The following CTIF variants were observed in gnomAD, a reference collection of about 807,000 sequenced individuals.
CTIF encodes cap binding complex dependent translation initiation factor, also known as CBP80/20-dependent translation initiation factor.
CTIF carries 21 observed loss-of-function variants against 66.0 expected under a neutral mutation model. That is an observed-to-expected ratio of 0.32 (90% CI 0.23 to 0.46). The LOEUF (loss-of-function observed/expected upper bound fraction) is 0.46, where lower values mean the gene tolerates loss of function less well. Ranked by LOEUF, CTIF falls within the 20% of genes least tolerant of loss-of-function variation. CTIF has a pLI of 1.00. For synonymous variants in CTIF, 345 were observed against 326.4 expected (o/e 1.06, Z -0.62); for missense variants, 739 against 812.7 (o/e 0.91, Z 1.10).
chr18:48,749,938 T>C (rs1220931283), intron 7 of CTIF, among the ~76,000 whole-genome samples: 1 of 152,192 alleles, frequency 6.6e-6, no homozygotes, highest in Non-Finnish European at 1.5e-5. Context: ...GGCCTTCCCC[T>C]GGAAACACTC....
rs1375955654 is a variant in CTIF at position 48,611,225 on chromosome 18, G to A, written c.-28-8313G>A. 2.0e-5 allele frequency among the ~76,000 whole-genome samples: 3 copies of A among 152,218 alleles called. No individual in the cohort carries two copies. In the East Asian group the frequency reaches 5.8e-4, roughly 29 times the overall value. On this transcript the variant is annotated intron_variant, in intron 1 of 11. Coordinates refer to ENST00000256413, the MANE Select transcript of CTIF (RefSeq NM_014772.3). ...AGATATCAGGAACTACCTCCAACTT[G>A]TTCAGACCTGGCAGATGTGCCTGAG...
intron 11 of CTIF, 110 bp downstream of exon 11, chr18:48,857,751 G>GTTC (rs1334525774): frequency 9.9e-6 from 10 of 1,011,892 alleles, no homozygotes; most frequent in Non-Finnish European, 1.3e-5. Context: ...TCCAGGGGAA[G>GTTC]GTAGGTGGAT....
chr18:48,660,908 T>C (rs1430916115), intron 3 of CTIF, among the ~76,000 whole-genome samples: 1 of 152,254 alleles, frequency 6.6e-6, no homozygotes, highest in African/African-American at 2.4e-5. Flanking sequence ...TCTCTCTTTC[T>C]ATCTCTCCAT....
chr18:48,606,003 T>A (rs1022886931), intron 1 of CTIF, among the ~76,000 whole-genome samples: 8 of 152,224 alleles, frequency 5.3e-5, no homozygotes, highest in African/African-American at 1.9e-4. Flanking sequence ...TACCTGAACC[T>A]TCTATGTGGC....
chr18:48,601,646 G>C lies in CTIF; in HGVS notation c.-28-17892G>C, dbSNP rs544762770. Among the ~76,000 whole-genome samples the C allele has an allele frequency of 1.4e-3, 216 of 152,336 alleles. 1 individual carries two copies. The highest frequency in any genetic ancestry group is 4.9e-3 in the African/African-American group (204 of 41,564). ...CTTTGCTTACTGACACATTGAAGCAGGGTTCTGAGATGGCATTGAGACAAG... is the reference window on the plus strand; with the variant it reads ...CTTTGCTTACTGACACATTGAAGCACGGTTCTGAGATGGCATTGAGACAAG... On this transcript the variant is annotated intron_variant, in intron 1 of 11. Coordinates refer to ENST00000256413, the MANE Select transcript of CTIF (RefSeq NM_014772.3).
chr18:48,786,886 A>G (rs1251482766), intron 9 of CTIF, among the ~76,000 whole-genome samples: 1 of 148,024 alleles, frequency 6.8e-6, no homozygotes, highest in Non-Finnish European at 1.5e-5. Context: ...CTCTGGAAGC[A>G]CCTTCTGCAT....
chr18:48,701,530 T>TCCCCCAGCCACATTGGGGGC (rs142329172), intron 6 of CTIF, among the ~76,000 whole-genome samples: 1 of 151,488 alleles, frequency 6.6e-6, no homozygotes, highest in Non-Finnish European at 1.5e-5. Context: ...AGTGCCTCCG[T>TCCCCCAGCCACATTGGGGGC]CCCCCAGCCC....
At chr18:48,774,185 C>G (rs1329293246) in intron 9 of CTIF, among the ~76,000 whole-genome samples, 2 of 152,284 alleles carry the variant, frequency 1.3e-5, no homozygotes, top group Non-Finnish European at 2.9e-5. Flanking sequence ...CAATTTAAAC[C>G]CATGGTGTGC....
chr18:48,623,676 G>A (rs2090539100), intron 2 of CTIF, among the ~76,000 whole-genome samples: 1 of 152,012 alleles, frequency 6.6e-6, no homozygotes, highest in African/African-American at 2.4e-5. Context: ...TAAGAAGCTT[G>A]GAAACCTTGA....
At chr18:48,653,214 G>A (rs2091188207) in intron 3 of CTIF, among the ~76,000 whole-genome samples, 1 of 152,184 alleles carries the variant, frequency 6.6e-6, no homozygotes, top group African/African-American at 2.4e-5. Context: ...TGACATGATT[G>A]TATACTTAGA....
intron 10 of CTIF, among the ~76,000 whole-genome samples, chr18:48,843,594 A>G (rs1051964212): frequency 2.0e-5 from 3 of 152,134 alleles, no homozygotes; most frequent in Non-Finnish European, 2.9e-5. Flanking sequence ...GGAATAGGCC[A>G]GAGGGCTGTG....
At chr18:48,607,331 A>AG in intron 1 of CTIF, among the ~76,000 whole-genome samples, 1 of 152,222 alleles carries the variant, frequency 6.6e-6, no homozygotes, top group African/African-American at 2.4e-5. Flanking sequence ...GTTGCTGTCC[A>AG]GCATGCTTCA....
At chr18:48,681,806 A>G (rs988522146) in intron 6 of CTIF, among the ~76,000 whole-genome samples, 2 of 150,578 alleles carry the variant, frequency 1.3e-5, no homozygotes, top group Non-Finnish European at 3.0e-5. Context: ...GTTTTTTGAG[A>G]TGGTGTTTCA....
chr18:48,561,481 G>A (rs978767312), intron 1 of CTIF, among the ~76,000 whole-genome samples: 10 of 152,090 alleles, frequency 6.6e-5, no homozygotes, highest in African/African-American at 1.4e-4. Context: ...GGAGTCTTTC[G>A]CAGCAAGACC....
intron 1 of CTIF, among the ~76,000 whole-genome samples, chr18:48,550,782 T>C (rs1231322077): frequency 1.3e-5 from 2 of 152,170 alleles, no homozygotes; most frequent in Admixed American, 1.3e-4. Context: ...CCTATAGGGC[T>C]AGGGTGGTGC....
At chr18:48,844,917 A>G (rs1384987944) in intron 10 of CTIF, among the ~76,000 whole-genome samples, 4 of 152,112 alleles carry the variant, frequency 2.6e-5, no homozygotes, top group Non-Finnish European at 4.4e-5. Context: ...AGGCAGATCT[A>G]TGTACTTGAT....
intron 2 of CTIF, among the ~76,000 whole-genome samples, chr18:48,632,017 G>A (rs1373850780): frequency 6.6e-6 from 1 of 152,174 alleles, no homozygotes; most frequent in Admixed American, 6.5e-5. Flanking sequence ...TCTAGGCGGT[G>A]TCTCAGAGAA....
intron 1 of CTIF, among the ~76,000 whole-genome samples, chr18:48,613,221 T>C (rs1437897412): frequency 6.6e-6 from 1 of 152,174 alleles, no homozygotes; most frequent in African/African-American, 2.4e-5. Flanking sequence ...AAGGCTGGGA[T>C]GGCTCCACTG....
chr18:48,631,433 T>G (rs935282415), intron 2 of CTIF, among the ~76,000 whole-genome samples: 6 of 152,256 alleles, frequency 3.9e-5, no homozygotes. Context: ...GCCACTGCAC[T>G]CCAGCTTGGG....
Sources: allele counts gnomAD v4.1 joint callset (sites outside exome capture counted in the v4.1 genomes callset), GRCh38; gene constraint gnomAD v4.1.1; transcripts MANE v1.5; gene names NCBI Gene and HGNC (gene_info 2026-07-23, HGNC 2026-07-21).